Variants in MRPS6 observed in about 807,000 individuals in gnomAD.
The protein encoded by MRPS6 is small ribosomal subunit protein bS6m.
A neutral mutation model predicts 13.1 loss-of-function variants in MRPS6; 6 were observed. That is an observed-to-expected ratio of 0.46 (90% CI 0.25 to 0.91). MRPS6 has a LOEUF of 0.91. MRPS6 is among the 40% of genes least tolerant of loss of function. The pLI, the probability that MRPS6 is intolerant of heterozygous loss-of-function variation, is 0.18. For synonymous variants in MRPS6, 61 were observed against 56.5 expected, an observed-to-expected ratio of 1.08 and a Z score of -0.36; for missense variants, 164 against 155.6, an observed-to-expected ratio of 1.05 and a Z score of -0.29.
At chr21:34,083,219 T>G (rs1989498899) in intron 1 of MRPS6, among the ~76,000 whole-genome samples, 1 of 152,174 alleles carries the variant, frequency 6.6e-6, no homozygotes, top group African/African-American at 2.4e-5. Context: ...AAATTCTCAT[T>G]GTGGTGATCA....
intron 1 of MRPS6, chr21:34,103,192 A>G (rs940056223): frequency 2.0e-6 from 2 of 999,948 alleles, no homozygotes; most frequent in Non-Finnish European, 2.4e-6. Flanking sequence ...TTTGAAATTT[A>G]TGTGTTTGGA....
chr21:34,089,160 T>C (rs951590831), intron 1 of MRPS6, among the ~76,000 whole-genome samples: 1 of 151,488 alleles, frequency 6.6e-6, no homozygotes, highest in Non-Finnish European at 1.5e-5. Flanking sequence ...CCTGAGTAGC[T>C]GGGATTACAG....
intron 2 of MRPS6, among the ~76,000 whole-genome samples, chr21:34,129,442 A>T (rs540791738): frequency 6.6e-6 from 1 of 152,208 alleles, no homozygotes; most frequent in Non-Finnish European, 1.5e-5. Flanking sequence ...ATGCCTGTGT[A>T]TAAGAACTCT....
intron 1 of MRPS6, among the ~76,000 whole-genome samples, chr21:34,083,477 C>T (rs2148654253): frequency 6.6e-6 from 1 of 152,058 alleles, no homozygotes; most frequent in East Asian, 1.9e-4. Context: ...AGTGTAGGCT[C>T]TGTCAGGCAT....
intron 1 of MRPS6, chr21:34,103,473 A>C (rs769247858): frequency 1.2e-4 from 119 of 998,612 alleles, no homozygotes; most frequent in Non-Finnish European, 1.3e-4. Context: ...CTGTGATCTT[A>C]ATTTTGTTGT....
intron 1 of MRPS6, among the ~76,000 whole-genome samples, chr21:34,075,747 C>T (rs1989314882): frequency 6.6e-6 from 1 of 152,198 alleles, no homozygotes; most frequent in South Asian, 2.1e-4. Flanking sequence ...CTATCTGTAG[C>T]TTGTAAATGT....
intron 1 of MRPS6, among the ~76,000 whole-genome samples, chr21:34,085,662 C>T (rs905270859): frequency 6.9e-6 from 1 of 145,294 alleles, no homozygotes; most frequent in Non-Finnish European, 1.5e-5. Flanking sequence ...GTGCCAGTGG[C>T]GTGATCTCGG....
At chr21:34,110,637 T>C (rs1184749403) in intron 1 of MRPS6, among the ~76,000 whole-genome samples, 1 of 152,258 alleles carries the variant, frequency 6.6e-6, no homozygotes, top group Non-Finnish European at 1.5e-5. Context: ...AGTTATGTTT[T>C]GTAAATTTAC....
chr21:34,131,556 C>T (rs942081865), intron 2 of MRPS6, among the ~76,000 whole-genome samples: 1 of 152,128 alleles, frequency 6.6e-6, no homozygotes, highest in Non-Finnish European at 1.5e-5. Flanking sequence ...TTTTTTCAGC[C>T]TAACTCCCAT....
intron 1 of MRPS6, among the ~76,000 whole-genome samples, chr21:34,074,873 A>T (rs1989288364): frequency 6.6e-6 from 1 of 151,976 alleles, no homozygotes; most frequent in African/African-American, 2.4e-5. Flanking sequence ...GAGCGTCGGG[A>T]GATTGTTAGG....
At chr21:34,091,697 A>G (rs1978702370) in intron 1 of MRPS6, among the ~76,000 whole-genome samples, 1 of 152,230 alleles carries the variant, frequency 6.6e-6, no homozygotes, top group Non-Finnish European at 1.5e-5. Context: ...GCAAAACAAT[A>G]AAATACTACT....
chr21:34,119,041 C>G (rs143474555), intron 1 of MRPS6, among the ~76,000 whole-genome samples: 4 of 152,174 alleles, frequency 2.6e-5, no homozygotes, highest in African/African-American at 9.6e-5. Flanking sequence ...CTAGACTTGT[C>G]CTTATTGAAT....
intron 1 of MRPS6, among the ~76,000 whole-genome samples, chr21:34,086,149 ATTC>A (rs1319265724): frequency 2.0e-5 from 3 of 152,236 alleles, no homozygotes; most frequent in East Asian, 3.9e-4. Context: ...GTTTATATAT[ATTC>A]TTCTATTCCA....
rs575125699 is a variant in MRPS6, at chr21:34,105,922, A to G, written c.46-19419A>G. 1,319 of 988,232 alleles carry G rather than the reference A, an allele frequency of 1.3e-3. 1 individual carries two copies. Among genetic ancestry groups the G allele is most frequent in the Non-Finnish European group, 1.6e-3 (1,277 of 819,148 alleles). 61.2% of individuals were successfully genotyped at this position (988,232 alleles called of 1,614,324 possible). The stretch of plus-strand genomic sequence containing the variant: ...AATTCTAACTTGTCTATTCTAACCT[A>G]TTGTGTACAATCTGATTTTTTAAAA... On this transcript the variant is annotated intron_variant, in intron 1 of 2. Transcript: ENST00000399312.
At chr21:34,085,984 C>G (rs1174568461) in intron 1 of MRPS6, among the ~76,000 whole-genome samples, 6 of 152,194 alleles carry the variant, frequency 3.9e-5, no homozygotes, top group Admixed American at 3.9e-4. Context: ...TTCAAATTCC[C>G]TGAATTGTCA....
rs557678942 is a variant in MRPS6, at chr21:34,103,064, C to A, written c.46-22277C>A. 6.0e-6 allele frequency: 6 copies of A among 999,890 alleles called. No individual in the cohort carries two copies. The African/African-American group carries it at 1.0e-4, about 17-fold the overall frequency. 61.9% of individuals were successfully genotyped at this position (999,890 alleles called of 1,614,324 possible). A position where few individuals can be genotyped will look rare whatever the true frequency, so the allele number is the denominator to read the frequency against. On this transcript the variant is annotated intron_variant, in intron 1 of 2. Coordinates refer to ENST00000399312, the MANE Select transcript of MRPS6 (RefSeq NM_032476.4). Reference sequence around the variant, plus strand: ...CCTAGACTTCTGTAAGTGGAATGTTCATTAGTAACTCATCTTTTTGTTGTT... The same window carrying A: ...CCTAGACTTCTGTAAGTGGAATGTTAATTAGTAACTCATCTTTTTGTTGTT...
chr21:34,091,550 T>TA, intron 1 of MRPS6, among the ~76,000 whole-genome samples: 1 of 152,212 alleles, frequency 6.6e-6, no homozygotes. Context: ...AATTTGGTCT[T>TA]ACCTTTTTTT....
Position 34,078,884 on chromosome 21 carries a change from A to G in MRPS6, c.45+5139A>G, listed in dbSNP as rs527274471. ...TTGTGTTAGAATTTCCAATATACTCATGAGTTTATCTGTTTTTAGTGGAAG... is the reference window on the plus strand; with the variant it reads ...TTGTGTTAGAATTTCCAATATACTCGTGAGTTTATCTGTTTTTAGTGGAAG... On this transcript the variant is annotated intron_variant, in intron 1 of 2. Transcript: ENST00000399312. Among the ~76,000 whole-genome samples, 52 of 152,324 alleles carry G rather than the reference A, an allele frequency of 3.4e-4. 2 individuals carry two copies. In the East Asian group the frequency reaches 7.3e-3, roughly 21 times the overall value.
intron 1 of MRPS6, chr21:34,097,237 A>G: frequency 6.2e-7 from 1 of 1,614,080 alleles, no homozygotes; most frequent in Non-Finnish European, 8.5e-7. Context: ...CTGATGGAAG[A>G]GGAGGCTGTT....
Sources: gnomAD v4.1 joint callset for allele counts (sites outside exome capture counted in the v4.1 genomes callset) on GRCh38, gnomAD v4.1.1 for gene constraint, MANE v1.5 for transcripts, NCBI Gene and HGNC (gene_info 2026-07-23, HGNC 2026-07-21) for gene names.